PCDHGA2: variants seen among roughly 807,000 people sequenced by gnomAD.
PCDHGA2 encodes the protein protocadherin gamma subfamily A, 2.
In PCDHGA2, 40 loss-of-function variants were observed where a neutral mutation model predicts 59.2. That is an observed-to-expected ratio of 0.68 (90% CI 0.52 to 0.88). The LOEUF is 0.88. Ranked by LOEUF, PCDHGA2 falls within the 40% of genes least tolerant of loss-of-function variation. The probability of loss-of-function intolerance (pLI) is 0.00; values close to 1 mark genes in which losing one functional copy is unlikely to be tolerated. For missense variants in PCDHGA2, 1,226 were observed against 1,204.0 expected (o/e 1.02, Z -0.27); for synonymous variants, 560 against 526.0 (o/e 1.06, Z -0.89).
chr5:141,361,590 C>T, intron 1 of PCDHGA2: 1 of 1,614,036 alleles, frequency 6.2e-7, no homozygotes, highest in Non-Finnish European at 8.5e-7. Context: ...GCCCCAGTGG[C>T]CAAGTTTCCT....
intron 1 of PCDHGA2, chr5:141,422,099 A>C (rs374091819): frequency 6.2e-7 from 1 of 1,609,706 alleles, no homozygotes; most frequent in Non-Finnish European, 8.5e-7. Context: ...AAGGCTTCTG[A>C]AATATTCCAA....
chr5:141,388,640 A>G (rs373553997), intron 1 of PCDHGA2: 3 of 1,613,844 alleles, frequency 1.9e-6, no homozygotes, highest in African/African-American at 2.7e-5. Context: ...TGAGCCTTTC[A>G]GAAAACGTGT....
chr5:141,371,780 T>C, intron 1 of PCDHGA2: 6 of 1,613,990 alleles, frequency 3.7e-6, no homozygotes, highest in Non-Finnish European at 5.1e-6. Context: ...TGCATGTAGC[T>C]GAGAACAATC....
chr5:141,355,669 G>A, intron 1 of PCDHGA2: 4 of 1,614,022 alleles, frequency 2.5e-6, no homozygotes, highest in Non-Finnish European at 3.4e-6. Context: ...TCTTCCTGAA[G>A]CTTTTGATCC....
At chr5:141,374,277 G>T in intron 1 of PCDHGA2, 2 of 1,613,958 alleles carry the variant, frequency 1.2e-6, no homozygotes, top group African/African-American at 1.3e-5. Context: ...CACGGAGTCC[G>T]CATCGTCTCC....
intron 1 of PCDHGA2, chr5:141,375,548 T>C (rs748936121): frequency 1.1e-5 from 17 of 1,613,892 alleles, no homozygotes; most frequent in Non-Finnish European, 9.3e-6. Flanking sequence ...CCAAGTCTCC[T>C]ACTCACTGGC....
chr5:141,415,761 T>A (rs1047830043), intron 1 of PCDHGA2: 2 of 1,399,648 alleles, frequency 1.4e-6, no homozygotes, highest in African/African-American at 3.0e-5. Context: ...TTTTTTTTTT[T>A]TTTTTTTTTT....
rs1400778058 is a variant in PCDHGA2 at position 141,366,688 on chromosome 5, G to A, written c.2424+25293G>A. The A allele has an allele frequency of 6.2e-6, 10 of 1,614,136 alleles. No individual in the cohort carries two copies. The Admixed American group carries it at 1.2e-4, about 19-fold the overall frequency. The stretch of plus-strand genomic sequence containing the variant: ...CGCTCCTTAGTGAAGAGAGCTGTGA[G>A]AAAAGCGAGCCTCTTCTGATGTCTG... On this transcript the variant is annotated intron_variant, in intron 1 of 3. Coordinates refer to ENST00000394576, the MANE Select transcript of PCDHGA2 (RefSeq NM_018915.4).
chr5:141,399,750 C>A, intron 1 of PCDHGA2: 1 of 1,613,330 alleles, frequency 6.2e-7, no homozygotes, highest in Non-Finnish European at 8.5e-7. Flanking sequence ...TCAGCGCAAA[C>A]GTGAGCCTGC....
intron 1 of PCDHGA2, among the ~76,000 whole-genome samples, chr5:141,481,103 C>G (rs190529217): frequency 2.6e-4 from 39 of 152,252 alleles, no homozygotes; most frequent in Non-Finnish European, 3.4e-4. Context: ...TACTCTGGAA[C>G]CTACCAATCC....
intron 1 of PCDHGA2, chr5:141,410,439 G>C: frequency 6.2e-7 from 1 of 1,614,008 alleles, no homozygotes; most frequent in Non-Finnish European, 8.5e-7. Context: ...TACAGTGAGG[G>C]GACTTTGCCT....
chr5:141,386,398 C>T (rs904703549), intron 1 of PCDHGA2, among the ~76,000 whole-genome samples: 2 of 151,972 alleles, frequency 1.3e-5, no homozygotes, highest in South Asian at 2.1e-4. Flanking sequence ...ACACTTTTAG[C>T]CAGGTATGGT....
At chr5:141,497,142 C>T (rs1316569011) in intron 2 of PCDHGA2, among the ~76,000 whole-genome samples, 2 of 149,678 alleles carry the variant, frequency 1.3e-5, no homozygotes, top group South Asian at 2.1e-4. Context: ...GCTGAGATCA[C>T]GAAAAAAAAA....
At chr5:141,393,143 T>G in intron 1 of PCDHGA2, 1 of 1,613,290 alleles carries the variant, frequency 6.2e-7, no homozygotes, top group Non-Finnish European at 8.5e-7. Context: ...ACACCCTGGT[T>G]GAGGATAAAG....
rs1472816403 is a variant in PCDHGA2 at position 141,451,473 on chromosome 5, C to T, written c.2425-43334C>T. On this transcript the variant is annotated intron_variant, in intron 1 of 3. Transcript: ENST00000394576. ...TGTTAGCTTGAGGTCTACCTCAGTTCCTTGCCATGTGGACCTCCATAGGGC... is the reference window on the plus strand; with the variant it reads ...TGTTAGCTTGAGGTCTACCTCAGTTTCTTGCCATGTGGACCTCCATAGGGC... Among the ~76,000 whole-genome samples the T allele has an allele frequency of 2.0e-5, 3 of 152,218 alleles. No homozygotes were observed. In the East Asian group the frequency reaches 5.8e-4, roughly 29 times the overall value.
Position 141,376,600 on chromosome 5 carries a change from G to C in PCDHGA2, c.2424+35205G>C, listed in dbSNP as rs1772879011. ...CTCATCAGCTAGATCGGCTGTTATAGAAGCGAACCTCTTTTGGTACAGGAA... is the reference window on the plus strand; with the variant it reads ...CTCATCAGCTAGATCGGCTGTTATACAAGCGAACCTCTTTTGGTACAGGAA... On this transcript the variant is annotated intron_variant, in intron 1 of 3. Transcript: ENST00000394576. The C allele has an allele frequency of 2.6e-6, 4 of 1,518,830 alleles. No homozygotes were observed. The African/African-American group carries it at 4.2e-5, about 16-fold the overall frequency. The allele number at this position is 1,518,830 out of a possible 1,614,324, so 94.1% of individuals were successfully genotyped here.
At chr5:141,394,703 A>C (rs138625114) in intron 1 of PCDHGA2, 42,437 of 1,613,130 alleles carry the variant, frequency 0.026, 739 homozygotes, top group East Asian at 0.04. Flanking sequence ...GCACGGCGCG[A>C]GCCCTGCTGG....
intron 1 of PCDHGA2, chr5:141,361,736 C>T (rs1267225660): frequency 6.2e-7 from 1 of 1,613,182 alleles, no homozygotes; most frequent in Non-Finnish European, 8.5e-7. Flanking sequence ...ACACTGCAGG[C>T]CCGCGACCAG....
intron 1 of PCDHGA2, chr5:141,375,685 C>A (rs1771752072): frequency 6.2e-7 from 1 of 1,614,144 alleles, no homozygotes; most frequent in Non-Finnish European, 8.5e-7. Flanking sequence ...GGGTGACAGC[C>A]AGCGACAGCG....
Sources: allele counts gnomAD v4.1 joint callset (sites outside exome capture counted in the v4.1 genomes callset), GRCh38; gene constraint gnomAD v4.1.1; transcripts MANE v1.5; gene names NCBI Gene and HGNC (gene_info 2026-07-23, HGNC 2026-07-21).